GCM1: variants seen among roughly 807,000 people sequenced by gnomAD.
GCM1 encodes GCM transcription factor 1.
In GCM1, 2 loss-of-function variants were observed where a neutral mutation model predicts 25.7. The ratio of observed to expected loss-of-function variants is 0.08; its 90% confidence interval spans 0.03 to 0.24. The LOEUF (loss-of-function observed/expected upper bound fraction) is 0.24, where lower values mean the gene tolerates loss of function less well. Among genes scored for constraint, GCM1 ranks in the 10% least tolerant of loss-of-function variants. The pLI, the probability that GCM1 is intolerant of heterozygous loss-of-function variation, is 1.00. For synonymous variants in GCM1, 183 were observed against 195.7 expected (o/e 0.94, Z 0.54); for missense variants, 395 against 538.7 (o/e 0.73, Z 2.64).
chr6:53,130,101 C>T (rs1763703491), intron 5 of GCM1, among the ~76,000 whole-genome samples: 1 of 152,162 alleles, frequency 6.6e-6, no homozygotes, highest in African/African-American at 2.4e-5. Context: ...CATTTCCCTA[C>T]AACAGATCCA....
chr6:53,144,914 C>CA (rs11286993), intron 2 of GCM1, among the ~76,000 whole-genome samples: 3,142 of 70,556 alleles, frequency 0.045, 155 homozygotes, highest in African/African-American at 0.12. Flanking sequence ...GACCCTACCT[C>CA]AAAAAAAAAA....
At chr6:53,133,787 C>A (rs1401323727) in intron 3 of GCM1, among the ~76,000 whole-genome samples, 1 of 152,198 alleles carries the variant, frequency 6.6e-6, no homozygotes. Flanking sequence ...AGCCACCACA[C>A]CTGCCATCTT....
chr6:53,137,305 G>A (rs898698612), intron 2 of GCM1, among the ~76,000 whole-genome samples: 20 of 152,096 alleles, frequency 1.3e-4, no homozygotes, highest in Non-Finnish European at 2.4e-4. Flanking sequence ...CTCAATGCCC[G>A]GGGTGAGAGA....
intron 2 of GCM1, among the ~76,000 whole-genome samples, chr6:53,138,023 T>C (rs1763823294): frequency 6.6e-6 from 1 of 152,144 alleles, no homozygotes; most frequent in Non-Finnish European, 1.5e-5. Context: ...GGCTCACCCC[T>C]GTAATCCCAG....
At chr6:53,138,662 T>A (rs1763833576) in intron 2 of GCM1, among the ~76,000 whole-genome samples, 1 of 152,244 alleles carries the variant, frequency 6.6e-6, no homozygotes, top group South Asian at 2.1e-4. Context: ...AGTAACTCTT[T>A]GTTTTTCCTC....
intron 2 of GCM1, among the ~76,000 whole-genome samples, chr6:53,142,800 A>AT (rs1374527948): frequency 7.0e-6 from 1 of 143,282 alleles, no homozygotes; most frequent in African/African-American, 2.5e-5. Flanking sequence ...ATACCAGACC[A>AT]TTTGGCGCAA....
At chr6:53,144,766 T>C (rs1018005500) in intron 2 of GCM1, among the ~76,000 whole-genome samples, 11 of 151,800 alleles carry the variant, frequency 7.2e-5, no homozygotes, top group Admixed American at 2.0e-4. Flanking sequence ...AATACAAAAA[T>C]TAGCTGGGCT....
intron 2 of GCM1, among the ~76,000 whole-genome samples, chr6:53,135,067 G>A (rs1763779960): frequency 6.6e-6 from 1 of 152,180 alleles, no homozygotes; most frequent in African/African-American, 2.4e-5. Flanking sequence ...GACTGAAAGC[G>A]TCTCTGTTAT....
intron 5 of GCM1, among the ~76,000 whole-genome samples, chr6:53,129,691 T>C (rs542079027): frequency 7.2e-5 from 11 of 152,222 alleles, no homozygotes; most frequent in Non-Finnish European, 1.5e-4. Flanking sequence ...CAACATTTCC[T>C]CCCTTGACTA....
chr6:53,128,337 C>A lies in GCM1; in HGVS notation c.1180G>T (p.Ala394Ser), dbSNP rs769049481. The A allele has an allele frequency of 6.2e-7, 1 of 1,613,984 alleles. No homozygotes were observed. The highest frequency in any genetic ancestry group is 1.3e-5 in the African/African-American group (1 of 74,998). The stretch of plus-strand genomic sequence containing the variant: ...GAATATTGCTGATGAGGATGAGAGG[C>A]GTAGGTGAAGAGAAAGGGGTCTTCT... ...PQEDPFLFTY[A>S]SHPHQQYSLP... is the part of the protein sequence containing the mutation. The change falls in exon 6 of 6, where the codon GCC (alanine) becomes TCC (serine). Residue 394 changes from alanine (A) to serine (S), a missense_variant. Physicochemically the swap from Ala to Ser is moderately conservative, Grantham distance 99. Transcript: ENST00000259803.
chr6:53,132,342 C>A (rs912142352), intron 3 of GCM1, among the ~76,000 whole-genome samples: 2 of 152,216 alleles, frequency 1.3e-5, no homozygotes, highest in African/African-American at 4.8e-5. Context: ...AAGTGGTTGC[C>A]TACCAAGTAG....
intron 2 of GCM1, among the ~76,000 whole-genome samples, chr6:53,142,000 G>GGAAAAAAAAAAAAAAAAAA (rs1259951702): frequency 6.5e-4 from 8 of 12,290 alleles, no homozygotes; most frequent in Admixed American, 1.5e-3. Context: ...GTGAGACCCT[G>GGAAAAAAAAAAAAAAAAAA]AAAAAAAAAA....
chr6:53,130,085 G>T (rs981416337), intron 5 of GCM1, among the ~76,000 whole-genome samples: 1 of 151,924 alleles, frequency 6.6e-6, no homozygotes, highest in Admixed American at 6.6e-5. Flanking sequence ...GGGTTTGGGG[G>T]GCTTGCATTT....
At position 53,128,846 on chromosome 6, in the gene GCM1, G is replaced by T. The variant is rs779528606; in HGVS notation, c.671C>A (p.Ala224Asp). 2 of 1,612,806 alleles carry T rather than the reference G, an allele frequency of 1.2e-6. No homozygotes were observed. The highest frequency in any genetic ancestry group is 1.7e-6 in the Non-Finnish European group (2 of 1,178,754). Residue 224 changes from alanine to aspartate, a missense_variant, in exon 6 of 6, where the codon GCT becomes GAT. Transcript: ENST00000259803. ...TAGTGAGTTCTGCTGAGGAGTGTTA[G>T]CTATTAAATGTCCACTGTAACTACC... ...LPGSYSGHLI[A>D]NTPQQNSLND...
Position 53,134,344 on chromosome 6 carries a change from T to C in GCM1, c.76-20A>G. ...CACGTTCTGATAGAAACACAAAAGA[T>C]ACGACTATACTTTAAGCTAGAAAAC... On this transcript the variant is annotated intron_variant, in intron 2 of 5. Coordinates refer to ENST00000259803, the MANE Select transcript of GCM1 (RefSeq NM_003643.4). 6.2e-7 allele frequency: 1 copy of C among 1,607,834 alleles called. No individual in the cohort carries two copies. Among genetic ancestry groups the C allele is most frequent in the Non-Finnish European group, 8.5e-7 (1 of 1,174,722 alleles).
chr6:53,133,850 A>G (rs920190601), intron 3 of GCM1, among the ~76,000 whole-genome samples: 1 of 152,022 alleles, frequency 6.6e-6, no homozygotes, highest in Non-Finnish European at 1.5e-5. Flanking sequence ...GGCATTTTTG[A>G]TGGTGGGTGC....
Position 53,128,518 on chromosome 6 carries a change from A to G in GCM1, c.999T>C (p.Ser333=), listed in dbSNP as rs1244806062. ...GAAGCTGCTGGTAAAAGGGTTCTGA[A>G]GAGTTTTGGGAAGGAGAGAAGCTGC... ...WPCSFSPSQN[S]SEPFYQQLPL... is the part of the protein sequence containing the mutation. Residue 333 remains serine, a synonymous_variant, in exon 6 of 6, where the codon TCT becomes TCC. Transcript: ENST00000259803. 6.2e-7 allele frequency: 1 copy of G among 1,613,990 alleles called. No homozygotes were observed. Among genetic ancestry groups the G allele is most frequent in the African/African-American group, 1.3e-5 (1 of 74,918 alleles).
At chr6:53,147,326 A>ATGT (rs1763971653) in intron 1 of GCM1, among the ~76,000 whole-genome samples, 1 of 151,738 alleles carries the variant, frequency 6.6e-6, no homozygotes, top group Non-Finnish European at 1.5e-5. Flanking sequence ...AGACATAATG[A>ATGT]TGTTATGTAG....
chr6:53,132,758 G>A (rs1242195622), intron 3 of GCM1, among the ~76,000 whole-genome samples: 1 of 152,072 alleles, frequency 6.6e-6, no homozygotes, highest in South Asian at 2.1e-4. Context: ...AGAACTAAGG[G>A]TCAAGGGGCC....
Sources: allele counts gnomAD v4.1 joint callset (sites outside exome capture counted in the v4.1 genomes callset), GRCh38; gene constraint gnomAD v4.1.1; transcripts MANE v1.5; gene names NCBI Gene and HGNC (gene_info 2026-07-23, HGNC 2026-07-21).